Variants in PADI3 observed in about 807,000 individuals in gnomAD.
PADI3 encodes the protein peptidyl arginine deiminase 3.
A neutral mutation model predicts 71.5 loss-of-function variants in PADI3; 53 were observed. The observed-to-expected ratio is 0.74, with a 90% confidence interval of 0.59 to 0.93. The LOEUF (loss-of-function observed/expected upper bound fraction) is 0.93, where lower values mean the gene tolerates loss of function less well. PADI3 is among the 40% of genes least tolerant of loss of function. PADI3 has a pLI of 0.00. For missense variants in PADI3, 821 were observed against 868.0 expected, an observed-to-expected ratio of 0.95 and a Z score of 0.68; for synonymous variants, 361 against 347.5, an observed-to-expected ratio of 1.04 and a Z score of -0.43.
chr1:17,262,823 GA>G (rs2073119866), intron 3 of PADI3, among the ~76,000 whole-genome samples: 1 of 152,130 alleles, frequency 6.6e-6, no homozygotes, highest in Non-Finnish European at 1.5e-5. Context: ...ACAAACAAAT[GA>G]AAAAACATAA....
chr1:17,272,383 G>C (rs1447472194), intron 9 of PADI3, among the ~76,000 whole-genome samples: 1 of 152,236 alleles, frequency 6.6e-6, no homozygotes, highest in Non-Finnish European at 1.5e-5. Context: ...GAGAGGGTTT[G>C]GGGCAGGACT....
At chr1:17,267,757 G>C in intron 5 of PADI3, 80 bp from the exon 6 acceptor site, 1 of 1,553,862 alleles carries the variant, frequency 6.4e-7, no homozygotes, top group Non-Finnish European at 8.7e-7. Context: ...CCACTGACCT[G>C]GGGAGGGAGC....
intron 3 of PADI3, among the ~76,000 whole-genome samples, chr1:17,262,621 A>G (rs1345132550): frequency 6.6e-6 from 1 of 152,104 alleles, no homozygotes; most frequent in Non-Finnish European, 1.5e-5. Context: ...GGGAATTTCA[A>G]CAGAGAAGAA....
rs376973180 is a variant in PADI3, at chr1:17,271,026, C to G, written c.936-41C>G. The G allele has an allele frequency of 4.6e-5, 74 of 1,612,240 alleles. No homozygotes were observed. The African/African-American group carries it at 8.3e-4, about 18-fold the overall frequency. Reference sequence around the variant, plus strand: ...GGTGGTCCCTCTGGCCCCCAGGCCCCGGCTCCATCCTGAGCCCCTCTTCCC... The same window carrying G: ...GGTGGTCCCTCTGGCCCCCAGGCCCGGGCTCCATCCTGAGCCCCTCTTCCC... On this transcript the variant is annotated intron_variant, in intron 8 of 15. Transcript: ENST00000375460.
intron 15 of PADI3, among the ~76,000 whole-genome samples, chr1:17,281,982 A>G (rs1255242191): frequency 6.6e-6 from 1 of 151,968 alleles, no homozygotes; most frequent in African/African-American, 2.4e-5. Flanking sequence ...AAAGAACTCA[A>G]TTTGCCCATT....
In PADI3 at chr1:17,276,790, T is replaced by A. The variant is rs981027230; in HGVS notation, c.1469T>A (p.Leu490Gln). 3.7e-6 allele frequency: 6 copies of A among 1,613,608 alleles called. No individual in the cohort carries two copies. In the Admixed American group the frequency reaches 6.7e-5, roughly 18 times the overall value. ...APDGKGFRML[L>Q]ASPGACFKLF... ...TGCACGCAGGGCTTCCGGATGCTCC[T>A]GGCCAGCCCTGGGGCCTGCTTCAAG... Residue 490 changes from leucine to glutamine, a missense_variant, in exon 13 of 16, where the codon CTG (leucine) becomes CAG (glutamine). Coordinates refer to ENST00000375460, the MANE Select transcript of PADI3 (RefSeq NM_016233.2).
chr1:17,277,281 G>A (rs375200740), intron 13 of PADI3, among the ~76,000 whole-genome samples: 3 of 151,284 alleles, frequency 2.0e-5, no homozygotes, highest in Admixed American at 6.6e-5. Flanking sequence ...CGCAACCTCC[G>A]CCTCCCAAGT....
chr1:17,282,913 G>A lies in PADI3; in HGVS notation c.1829G>A (p.Cys610Tyr). The A allele has an allele frequency of 1.2e-6, 2 of 1,614,156 alleles. No individual in the cohort carries two copies. Among genetic ancestry groups the A allele is most frequent in the Non-Finnish European group, 1.7e-6 (2 of 1,180,016 alleles). Residue 610 changes from cysteine to tyrosine, a missense_variant, in exon 16 of 16, where the codon TGC (cysteine) becomes TAC (tyrosine). Transcript: ENST00000375460. Reference sequence around the variant, plus strand: ...CCCTTTGGGCCCATCATCAATGGCTGCTGCTGCCTGGAGGAGAAGGTGCGG... The same window carrying A: ...CCCTTTGGGCCCATCATCAATGGCTACTGCTGCCTGGAGGAGAAGGTGCGG... ...PKPFGPIINGCCCLEEKVRSL... is the reference protein window; with the variant it reads ...PKPFGPIINGYCCLEEKVRSL...
At chr1:17,281,787 T>C (rs747202200) in intron 15 of PADI3, among the ~76,000 whole-genome samples, 40 of 152,294 alleles carry the variant, frequency 2.6e-4, no homozygotes, top group South Asian at 1.5e-3. Flanking sequence ...TTGAAACACC[T>C]GGACAGGTGG....
intron 1 of PADI3, among the ~76,000 whole-genome samples, chr1:17,251,578 G>A (rs1056196451): frequency 4.6e-5 from 7 of 152,124 alleles, no homozygotes; most frequent in Admixed American, 2.0e-4. Flanking sequence ...TGTCATCATC[G>A]TCATTTTATA....
chr1:17,253,406 A>G (rs924740368), intron 1 of PADI3, among the ~76,000 whole-genome samples: 7 of 152,222 alleles, frequency 4.6e-5, no homozygotes, highest in Non-Finnish European at 8.8e-5. Context: ...GAGCGGGTGC[A>G]CAGCTCTCGC....
In PADI3 at chr1:17,249,127, C is replaced by T; in HGVS notation, c.-11C>T. On this transcript the variant is annotated 5_prime_UTR_variant, in exon 1 of 16. Coordinates refer to ENST00000375460, the MANE Select transcript of PADI3 (RefSeq NM_016233.2). ...TTGGGGTTGGCGGCCACAGCTAAGT[C>T]CAACACCAGCATGTCGCTGCAGAGA... 3 of 1,613,512 alleles carry T rather than the reference C, an allele frequency of 1.9e-6. No individual in the cohort carries two copies. The highest frequency in any genetic ancestry group is 2.5e-6 in the Non-Finnish European group (3 of 1,179,470).
At chr1:17,254,673 A>G (rs963566999) in intron 1 of PADI3, among the ~76,000 whole-genome samples, 2 of 151,504 alleles carry the variant, frequency 1.3e-5, no homozygotes, top group African/African-American at 4.9e-5. Flanking sequence ...GGATGGGCTC[A>G]CACTGAGTCA....
chr1:17,270,522 C>T (rs1221183850), intron 7 of PADI3, 111 bp downstream of exon 7: 2 of 1,016,162 alleles, frequency 2.0e-6, no homozygotes, highest in Non-Finnish European at 2.8e-6. Flanking sequence ...GTGGTGTACA[C>T]CTATAGTCCC....
rs139692704 is a variant in PADI3 at position 17,259,737 on chromosome 1, C to A, written c.252C>A (p.Ser84Arg). ...TCATCGTGGTCATGAACTCCCCCAGCAATGACCTCAACGACAGCCATGTGA... is the reference window on the plus strand; with the variant it reads ...TCATCGTGGTCATGAACTCCCCCAGAAATGACCTCAACGACAGCCATGTGA... ...LEIIVVMNSP[S>R]NDLNDSHVQI... The change falls in exon 2 of 16, where the codon AGC (serine) becomes AGA (arginine). Residue 84 changes from serine to arginine, a missense_variant. By Grantham distance (110) the Ser-to-Arg change is moderately radical. Transcript: ENST00000375460. 3.1e-6 allele frequency: 5 copies of A among 1,608,022 alleles called. No homozygotes were observed. The highest frequency in any genetic ancestry group is 4.3e-6 in the Non-Finnish European group (5 of 1,175,858).
At chr1:17,250,899 A>G (rs7522439) in intron 1 of PADI3, among the ~76,000 whole-genome samples, 15,861 of 152,204 alleles carry the variant, frequency 0.1, 889 homozygotes, top group South Asian at 0.19. Flanking sequence ...GCAATAAGAG[A>G]TAAAGGCCAT....
intron 11 of PADI3, among the ~76,000 whole-genome samples, chr1:17,275,297 C>CGTG: frequency 1.3e-5 from 2 of 150,864 alleles, no homozygotes; most frequent in East Asian, 3.9e-4. Context: ...ATTAGCCAGG[C>CGTG]GTGGTGGCAG....
Position 17,273,439 on chromosome 1 carries a change from A to T in PADI3, c.1147A>T (p.Arg383Ter). The T allele has an allele frequency of 6.2e-7, 1 of 1,610,296 alleles. No homozygotes were observed. Among genetic ancestry groups the T allele is most frequent in the Non-Finnish European group, 8.5e-7 (1 of 1,176,808 alleles). The change falls in exon 10 of 16, where the codon AGA becomes TGA. Residue 383 changes from arginine to a stop codon, truncating the protein, a stop_gained. Coordinates refer to ENST00000375460, the MANE Select transcript of PADI3 (RefSeq NM_016233.2). LOFTEE classifies it high-confidence loss of function. Reference protein sequence around the residue: ...NGELQDFPYKRILGPDFGYVT... With the variant: ...NGELQDFPYK The stretch of plus-strand genomic sequence containing the variant: ...GGAACTGCAGGATTTCCCTTACAAA[A>T]GAATCCTGGTGAGTGGTCCCGGCCG...
chr1:17,271,777 A>G (rs1196487805), intron 9 of PADI3, among the ~76,000 whole-genome samples: 2 of 147,876 alleles, frequency 1.4e-5, no homozygotes, highest in Non-Finnish European at 3.0e-5. Flanking sequence ...GAGTTTAGGA[A>G]GGTCAAGGCT....
Sources: allele counts gnomAD v4.1 joint callset (sites outside exome capture counted in the v4.1 genomes callset), GRCh38; gene constraint gnomAD v4.1.1; transcripts MANE v1.5; gene names NCBI Gene and HGNC (gene_info 2026-07-23, HGNC 2026-07-21).